Variants in SNTG1 observed in about 807,000 individuals in gnomAD.
SNTG1 encodes the protein syntrophin gamma 1, also known as gamma-1-syntrophin.
A neutral mutation model predicts 74.7 loss-of-function variants in SNTG1; 39 were observed. The observed-to-expected ratio is 0.52, with a 90% CI of 0.40 to 0.68. The LOEUF is 0.68. Among genes scored for constraint, SNTG1 ranks in the 30% least tolerant of loss-of-function variants. The probability of loss-of-function intolerance (pLI) is 0.00; values close to 1 mark genes in which losing one functional copy is unlikely to be tolerated. For missense variants in SNTG1, 685 were observed against 609.5 expected, an observed-to-expected ratio of 1.12 and a Z score of -1.30; for synonymous variants, 254 against 217.1, an observed-to-expected ratio of 1.17 and a Z score of -1.49.
intron 8 of SNTG1, among the ~76,000 whole-genome samples, chr8:50,481,238 G>T (rs559657984): frequency 6.6e-6 from 1 of 152,040 alleles, no homozygotes. Context: ...AAAATTAGCC[G>T]GGTATGGTGG....
chr8:50,298,100 C>T (rs1483386867), intron 2 of SNTG1, among the ~76,000 whole-genome samples: 4 of 151,910 alleles, frequency 2.6e-5, no homozygotes, highest in Non-Finnish European at 5.9e-5. Context: ...CTGCTCATCC[C>T]TCTCCGCAAG....
chr8:50,249,941 A>G (rs757244351), intron 2 of SNTG1, among the ~76,000 whole-genome samples: 1 of 152,150 alleles, frequency 6.6e-6, no homozygotes, highest in East Asian at 1.9e-4. Flanking sequence ...CCACAAAATA[A>G]CAGGGTTCTT....
At chr8:50,382,105 C>T (rs1005696726) in intron 2 of SNTG1, 2 of 151,754 alleles carry the variant, frequency 1.3e-5, no homozygotes, top group Non-Finnish European at 2.9e-5. Flanking sequence ...ATGGTGCCCA[C>T]CCAGATTAAG....
intron 1 of SNTG1, among the ~76,000 whole-genome samples, chr8:50,001,567 C>T (rs1814740251): frequency 6.6e-6 from 1 of 152,168 alleles, no homozygotes. Context: ...ACTGTGGAGG[C>T]ACCAACAACT....
rs539820865 is a variant in SNTG1 at position 49,918,598 on chromosome 8, C to T, written c.-103+6367C>T. Among the ~76,000 whole-genome samples the T allele has an allele frequency of 1.5e-4, 22 of 144,368 alleles. No individual in the cohort carries two copies. In the East Asian group the frequency reaches 3.6e-3, roughly 23 times the overall value. 94.7% of individuals were successfully genotyped at this position (144,368 alleles called of 152,430 possible). A position where few individuals can be genotyped will look rare whatever the true frequency, so the allele number is the denominator to read the frequency against. ...CTATAGAATATTCTGTTGGATTTCA[C>T]AAATTGGAGGCAGATGTCTTATTGT... On this transcript the variant is annotated intron_variant, in intron 1 of 18. Coordinates refer to ENST00000642720, the MANE Select transcript of SNTG1 (RefSeq NM_018967.5).
intron 10 of SNTG1, among the ~76,000 whole-genome samples, chr8:50,535,978 G>T (rs1438890354): frequency 6.6e-6 from 1 of 152,056 alleles, no homozygotes; most frequent in East Asian, 1.9e-4. Flanking sequence ...AAGGAAACAT[G>T]AATCAAGTGA....
At chr8:50,509,893 T>C (rs1022553397) in intron 9 of SNTG1, among the ~76,000 whole-genome samples, 3 of 152,300 alleles carry the variant, frequency 2.0e-5, no homozygotes, top group South Asian at 2.1e-4. Flanking sequence ...CTTTTCCTAA[T>C]TGAATACCCT....
intron 2 of SNTG1, among the ~76,000 whole-genome samples, chr8:50,214,397 C>G (rs1011320038): frequency 2.0e-5 from 3 of 150,098 alleles, no homozygotes; most frequent in Non-Finnish European, 4.4e-5. Flanking sequence ...ACCCTAAAAC[C>G]TAAAGTATAA....
At chr8:50,296,203 G>C (rs956639293) in intron 2 of SNTG1, among the ~76,000 whole-genome samples, 2 of 152,128 alleles carry the variant, frequency 1.3e-5, no homozygotes, top group African/African-American at 2.4e-5. Flanking sequence ...AAGACAGTGT[G>C]GTGATTCCTC....
intron 2 of SNTG1, among the ~76,000 whole-genome samples, chr8:50,309,047 G>A (rs916543471): frequency 2.6e-5 from 4 of 152,028 alleles, no homozygotes; most frequent in Admixed American, 2.6e-4. Flanking sequence ...GGCATTTATA[G>A]TCATCTGGAA....
At chr8:50,210,950 A>G (rs529575686) in intron 2 of SNTG1, among the ~76,000 whole-genome samples, 13 of 152,286 alleles carry the variant, frequency 8.5e-5, no homozygotes, top group African/African-American at 2.9e-4. Flanking sequence ...CTTTCTAGAT[A>G]TTATTTGTAG....
At chr8:50,506,105 A>T (rs2094004094) in intron 9 of SNTG1, among the ~76,000 whole-genome samples, 1 of 152,000 alleles carries the variant, frequency 6.6e-6, no homozygotes, top group Admixed American at 6.6e-5. Context: ...TGAAGAGAAG[A>T]CTATTCTTTC....
intron 2 of SNTG1, among the ~76,000 whole-genome samples, chr8:50,287,644 T>C (rs1020548908): frequency 6.6e-6 from 1 of 152,158 alleles, no homozygotes; most frequent in Admixed American, 6.5e-5. Context: ...CTTCCTCTTA[T>C]ACCCAACCTG....
intron 18 of SNTG1, among the ~76,000 whole-genome samples, chr8:50,780,815 T>G (rs2095657047): frequency 1.3e-5 from 2 of 152,360 alleles, no homozygotes; most frequent in East Asian, 3.9e-4. Context: ...ATTTTGGATC[T>G]TTCCTGCTTT....
chr8:50,502,019 G>A (rs7007893), intron 8 of SNTG1, among the ~76,000 whole-genome samples: 2 of 151,328 alleles, frequency 1.3e-5, no homozygotes, highest in Admixed American at 1.3e-4. Context: ...TTTAAAATTT[G>A]CACATGGCTT....
chr8:50,297,220 A>T (rs1020756183), intron 2 of SNTG1, among the ~76,000 whole-genome samples: 1 of 152,196 alleles, frequency 6.6e-6, no homozygotes, highest in African/African-American at 2.4e-5. Context: ...AGTGGATGCC[A>T]GAAAGCATAG....
At chr8:49,995,749 T>C (rs897975250) in intron 1 of SNTG1, among the ~76,000 whole-genome samples, 2 of 152,236 alleles carry the variant, frequency 1.3e-5, no homozygotes, top group African/African-American at 4.8e-5. Context: ...CTGCGGTGTC[T>C]GTGTGGGTCA....
At chr8:50,722,191 T>C (rs12546823) in intron 17 of SNTG1, among the ~76,000 whole-genome samples, 34,706 of 151,768 alleles carry the variant, frequency 0.23, 4,165 homozygotes, top group Middle Eastern at 0.32. Flanking sequence ...CATATATATA[T>C]TGAGGTGCAG....
chr8:49,916,797 G>A (rs931802595), intron 1 of SNTG1, among the ~76,000 whole-genome samples: 3 of 151,912 alleles, frequency 2.0e-5, no homozygotes, highest in Non-Finnish European at 2.9e-5. Flanking sequence ...CTTGAAGCCA[G>A]GAGTTCAAGA....
Sources: allele counts gnomAD v4.1 joint callset (sites outside exome capture counted in the v4.1 genomes callset), GRCh38; gene constraint gnomAD v4.1.1; transcripts MANE v1.5; gene names NCBI Gene and HGNC (gene_info 2026-07-23, HGNC 2026-07-21).